RERG: variants seen among roughly 807,000 people sequenced by gnomAD.
The protein encoded by RERG is ras-related and estrogen-regulated growth inhibitor.
In RERG, 25 loss-of-function variants were observed where a neutral mutation model predicts 23.2. That is an observed-to-expected ratio of 1.08 (90% CI 0.79 to 1.50). The LOEUF (loss-of-function observed/expected upper bound fraction) is 1.50, where lower values mean the gene tolerates loss of function less well. Among genes scored for constraint, RERG ranks in the 40% most tolerant of loss-of-function variants. RERG has a pLI of 0.00. For synonymous variants in RERG, 81 were observed against 89.1 expected, an observed-to-expected ratio of 0.91 and a Z score of 0.51; for missense variants, 253 against 250.1, an observed-to-expected ratio of 1.01 and a Z score of -0.08.
At chr12:15,115,900 C>T (rs371021360) in intron 3 of RERG, among the ~76,000 whole-genome samples, 6 of 152,074 alleles carry the variant, frequency 3.9e-5, no homozygotes, top group African/African-American at 7.2e-5. Flanking sequence ...GCCATAAGCA[C>T]GGCACATTGC....
chr12:15,137,634 G>A (rs11056370), intron 2 of RERG, among the ~76,000 whole-genome samples: 99,758 of 151,516 alleles, frequency 0.66, 32,958 homozygotes, highest in Admixed American at 0.74. Flanking sequence ...ATAACACTAC[G>A]CCAGTTTATG....
At chr12:15,116,834 G>A (rs1863730100) in intron 3 of RERG, among the ~76,000 whole-genome samples, 1 of 152,120 alleles carries the variant, frequency 6.6e-6, no homozygotes, top group South Asian at 2.1e-4. Context: ...TTTGTTTGGT[G>A]GATTTGCTTT....
At chr12:15,154,620 G>A (rs1259932077) in intron 2 of RERG, among the ~76,000 whole-genome samples, 1 of 152,112 alleles carries the variant, frequency 6.6e-6, no homozygotes, top group Non-Finnish European at 1.5e-5. Flanking sequence ...ATGGACATCC[G>A]CTGATGGCCA....
chr12:15,171,632 AT>A (rs1359351013), intron 2 of RERG, among the ~76,000 whole-genome samples: 1 of 152,082 alleles, frequency 6.6e-6, no homozygotes. Flanking sequence ...TTCTCTTCTT[AT>A]TTTTCATGTT....
chr12:15,172,332 T>G (rs570632305), intron 2 of RERG, among the ~76,000 whole-genome samples: 1 of 152,310 alleles, frequency 6.6e-6, no homozygotes, highest in East Asian at 1.9e-4. Flanking sequence ...TTATACTGAA[T>G]AATATTCCAT....
At chr12:15,166,805 C>A (rs1049611995) in intron 2 of RERG, among the ~76,000 whole-genome samples, 6 of 147,160 alleles carry the variant, frequency 4.1e-5, no homozygotes, top group Non-Finnish European at 7.5e-5. Flanking sequence ...TTAAAGAGGT[C>A]TTTTATTTAA....
chr12:15,121,736 T>G (rs970590542), intron 2 of RERG, among the ~76,000 whole-genome samples: 1 of 147,200 alleles, frequency 6.8e-6, no homozygotes, highest in Admixed American at 6.6e-5. Context: ...GCAGGTACGA[T>G]GTTAATTCCC....
intron 2 of RERG, among the ~76,000 whole-genome samples, chr12:15,185,315 T>C (rs551390067): frequency 3.9e-5 from 6 of 152,258 alleles, no homozygotes; most frequent in African/African-American, 1.2e-4. Context: ...GACATCAAGA[T>C]TTTTAAAGCT....
intron 2 of RERG, among the ~76,000 whole-genome samples, chr12:15,177,589 G>C (rs1292777220): frequency 4.6e-5 from 7 of 152,088 alleles, no homozygotes; most frequent in African/African-American, 1.7e-4. Context: ...AAATTCAGTG[G>C]CTCCACATTT....
chr12:15,204,885 T>C (rs1258751940), intron 2 of RERG, among the ~76,000 whole-genome samples: 1 of 151,944 alleles, frequency 6.6e-6, no homozygotes, highest in Non-Finnish European at 1.5e-5. Flanking sequence ...TTCTCTGTCC[T>C]TCCCTAGTTA....
intron 2 of RERG, among the ~76,000 whole-genome samples, chr12:15,176,864 G>C (rs1864857811): frequency 6.6e-6 from 1 of 152,048 alleles, no homozygotes; most frequent in East Asian, 1.9e-4. Flanking sequence ...TCTGATATCT[G>C]ATCATTTGGT....
chr12:15,147,355 CACTA>C, intron 2 of RERG, among the ~76,000 whole-genome samples: 1 of 152,280 alleles, frequency 6.6e-6, no homozygotes, highest in East Asian at 1.9e-4. Context: ...AACATTCTTT[CACTA>C]AAACAGTCTT....
chr12:15,217,165 T>C, intron 2 of RERG: 1 of 366,990 alleles, frequency 2.7e-6, no homozygotes. Flanking sequence ...TTGGAGGTTG[T>C]TAAAAATCAG....
intron 2 of RERG, among the ~76,000 whole-genome samples, chr12:15,192,253 C>T (rs1009118038): frequency 3.9e-5 from 6 of 152,128 alleles, no homozygotes; most frequent in African/African-American, 1.4e-4. Flanking sequence ...TGCCTGCTTG[C>T]CTTCTGCCTT....
intron 2 of RERG, among the ~76,000 whole-genome samples, chr12:15,163,522 G>A (rs545117995): frequency 2.4e-4 from 37 of 152,316 alleles, no homozygotes; most frequent in African/African-American, 7.9e-4. Flanking sequence ...GATGGTCTCT[G>A]CTGCGAATCC....
chr12:15,217,688 T>A lies in RERG; in HGVS notation c.-114-85A>T, dbSNP rs1038227826. The A allele has an allele frequency of 5.7e-6, 3 of 522,008 alleles. No individual in the cohort carries two copies. In the Admixed American group the frequency reaches 1.0e-4, roughly 18 times the overall value. 32.3% of individuals were successfully genotyped at this position (522,008 alleles called of 1,614,324 possible). A position where few individuals can be genotyped will look rare whatever the true frequency, so the allele number is the denominator to read the frequency against. ...AGCATCTACTATATGCCAGCCACCATTCACTTTTTCAACATTTTCTGGTTT... is the reference window on the plus strand; with the variant it reads ...AGCATCTACTATATGCCAGCCACCAATCACTTTTTCAACATTTTCTGGTTT... On this transcript the variant is annotated intron_variant, in intron 1 of 4. Coordinates refer to ENST00000256953, the MANE Select transcript of RERG (RefSeq NM_032918.3).
At chr12:15,173,788 A>G (rs1864808748) in intron 2 of RERG, among the ~76,000 whole-genome samples, 1 of 151,946 alleles carries the variant, frequency 6.6e-6, no homozygotes, top group Non-Finnish European at 1.5e-5. Flanking sequence ...TTGTTAGTAT[A>G]TAGAAATATA....
At chr12:15,208,935 A>G (rs1011457436) in intron 2 of RERG, among the ~76,000 whole-genome samples, 1 of 143,896 alleles carries the variant, frequency 6.9e-6, no homozygotes, top group Admixed American at 6.9e-5. Flanking sequence ...TGCCCACTTT[A>G]CATACTGATA....
At chr12:15,176,443 C>T (rs1250224043) in intron 2 of RERG, among the ~76,000 whole-genome samples, 1 of 151,956 alleles carries the variant, frequency 6.6e-6, no homozygotes, top group Admixed American at 6.6e-5. Flanking sequence ...ACATGTGGTA[C>T]CCAGAGCCAG....
Sources: allele counts gnomAD v4.1 joint callset (sites outside exome capture counted in the v4.1 genomes callset), GRCh38; gene constraint gnomAD v4.1.1; transcripts MANE v1.5; gene names NCBI Gene and HGNC (gene_info 2026-07-23, HGNC 2026-07-21).